Variants in CAPN7 observed in about 807,000 individuals in gnomAD.
CAPN7 encodes the protein calpain-7.
CAPN7 carries 72 observed loss-of-function variants against 115.2 expected under a neutral mutation model. That is an observed-to-expected ratio of 0.63 (90% CI 0.52 to 0.76). CAPN7 has a LOEUF of 0.76. CAPN7 is among the 30% of genes least tolerant of loss of function. The pLI, the probability that CAPN7 is intolerant of heterozygous loss-of-function variation, is 0.00. For synonymous variants in CAPN7, 344 were observed against 322.3 expected, an observed-to-expected ratio of 1.07 and a Z score of -0.72; for missense variants, 905 against 971.5, an observed-to-expected ratio of 0.93 and a Z score of 0.91.
Position 15,206,288 on chromosome 3 carries a change from C to G in CAPN7, c.-208C>G, listed in dbSNP as rs2044614376. The G allele has an allele frequency of 4.4e-6, 2 of 450,160 alleles. No homozygotes were observed. Among genetic ancestry groups the G allele is most frequent in the East Asian group, 3.9e-5 (1 of 25,566 alleles). The allele number at this position is 450,160 out of a possible 1,614,324, so 27.9% of individuals were successfully genotyped here. On this transcript the variant is annotated 5_prime_UTR_variant, in exon 1 of 21. Transcript: ENST00000253693. ...CGAAGTGGGGCGGCCGGGTGGGCTA[C>G]AAGCCGGGTCTGGGCTGAGGGGCGC...
Position 15,217,546 on chromosome 3 carries a change from A to C in CAPN7, c.333A>C (p.Glu111Asp), listed in dbSNP as rs761072937. The part of the protein sequence containing the change: ...DEKENVEDAI[E>D]LYTEAVDLCL... Reference sequence around the variant, plus strand: ...AAGAGAATGTTGAAGATGCTATAGAATTGTACACAGAAGCTGTGGATCTCT... The same window carrying C: ...AAGAGAATGTTGAAGATGCTATAGACTTGTACACAGAAGCTGTGGATCTCT... The change falls in exon 3 of 21, where the codon GAA (glutamate) becomes GAC (aspartate). Residue 111 changes from glutamate (E) to aspartate (D), a missense_variant. Transcript: ENST00000253693. 7 of 1,613,726 alleles carry C rather than the reference A, an allele frequency of 4.3e-6. No homozygotes were observed. In the South Asian group the frequency reaches 7.7e-5, roughly 18 times the overall value.
chr3:15,220,845 C>T lies in CAPN7; in HGVS notation c.502C>T (p.Pro168Ser). Residue 168 changes from proline (P) to serine (S), a missense_variant, in exon 5 of 21, where the codon CCA becomes TCA. This residue lies in a region of CAPN7 where 271 missense variants were observed against 239.6 expected (regional missense o/e 1.13). Coordinates refer to ENST00000253693, the MANE Select transcript of CAPN7 (RefSeq NM_014296.3). ...CAAAATCAGTTCAACAAGTGTTAAG[C>T]CAAAGCCACCTCCAGTGAGAGCACA... ...VGKISSTSVK[P>S]KPPPVRAHFP... The T allele has an allele frequency of 6.2e-7, 1 of 1,614,156 alleles. No homozygotes were observed. Among genetic ancestry groups the T allele is most frequent in the East Asian group, 2.2e-5 (1 of 44,888 alleles).
intron 6 of CAPN7, among the ~76,000 whole-genome samples, chr3:15,227,594 TTAAATA>T (rs1694398539): frequency 6.6e-6 from 1 of 152,254 alleles, no homozygotes; most frequent in South Asian, 2.1e-4. Context: ...AATTATATTC[TTAAATA>T]TAAATGAATT....
chr3:15,211,972 A>T (rs1357993445), intron 1 of CAPN7, 132 bp from the exon 2 acceptor site: 1 of 477,818 alleles, frequency 2.1e-6, no homozygotes, highest in East Asian at 3.4e-5. Context: ...TATGAAAAAA[A>T]TTACTATTAA....
At chr3:15,207,956 T>C (rs1262693277) in intron 1 of CAPN7, among the ~76,000 whole-genome samples, 1 of 152,242 alleles carries the variant, frequency 6.6e-6, no homozygotes, top group Non-Finnish European at 1.5e-5. Flanking sequence ...TTATGTACTC[T>C]ACATTATTGT....
intron 6 of CAPN7, among the ~76,000 whole-genome samples, chr3:15,224,945 A>G (rs930690994): frequency 3.3e-5 from 5 of 152,166 alleles, no homozygotes; most frequent in Middle Eastern, 3.2e-3. Context: ...TATATCTGAG[A>G]AACTTTATAG....
At chr3:15,235,171 A>T (rs776023091) in intron 12 of CAPN7, 26 bp downstream of exon 12, 1 of 1,569,404 alleles carries the variant, frequency 6.4e-7, no homozygotes. Flanking sequence ...TTTTTCTTTT[A>T]TTTTTCTTGT....
chr3:15,241,617 TACAG>T, intron 15 of CAPN7, 29 bp downstream of exon 15: 1 of 1,593,716 alleles, frequency 6.3e-7, no homozygotes, highest in African/African-American at 1.3e-5. Flanking sequence ...TGATATCCCA[TACAG>T]AAATTTTTTT....
rs1242366747 is a variant in CAPN7, at chr3:15,240,850, A to G, written c.1649A>G (p.His550Arg). ...CTTTTTAAAGAATCAACATGTATTCACAGGTAACTTTTTGCACATTGCAGA... is the reference window on the plus strand; with the variant it reads ...CTTTTTAAAGAATCAACATGTATTCGCAGGTAACTTTTTGCACATTGCAGA... ...PGLFKESTCI[H>R]STWDAKQGPV... Residue 550 changes from histidine to arginine, a missense_variant, in exon 14 of 21, where the codon CAC (histidine) becomes CGC (arginine). This residue lies in a region of CAPN7 where 620 missense variants were observed against 703.4 expected (regional missense o/e 0.88). Transcript: ENST00000253693. 6.3e-7 allele frequency: 1 copy of G among 1,591,164 alleles called. No homozygotes were observed. Among genetic ancestry groups the G allele is most frequent in the Non-Finnish European group, 8.6e-7 (1 of 1,160,034 alleles).
At chr3:15,207,214 CAG>C (rs1278257728) in intron 1 of CAPN7, among the ~76,000 whole-genome samples, 2 of 152,084 alleles carry the variant, frequency 1.3e-5, no homozygotes, top group African/African-American at 4.8e-5. Context: ...TTGCTGTACT[CAG>C]TGGTGTGTGC....
chr3:15,227,783 C>T, intron 6 of CAPN7, 56 bp from the exon 7 acceptor site: 1 of 1,139,980 alleles, frequency 8.8e-7, no homozygotes, highest in Non-Finnish European at 1.2e-6. Flanking sequence ...TTAATTTTGG[C>T]TTTGAGTCAT....
intron 6 of CAPN7, among the ~76,000 whole-genome samples, chr3:15,226,147 C>T (rs1475911181): frequency 1.3e-5 from 2 of 152,102 alleles, no homozygotes; most frequent in Non-Finnish European, 2.9e-5. Flanking sequence ...GCGATCTCAG[C>T]TCACTGCAAC....
In CAPN7 at chr3:15,228,980, G is replaced by A. The variant is rs1694504701; in HGVS notation, c.859G>A (p.Val287Ile). 2 of 1,608,792 alleles carry A rather than the reference G, an allele frequency of 1.2e-6. No homozygotes were observed. Among genetic ancestry groups the A allele is most frequent in the Non-Finnish European group, 8.5e-7 (1 of 1,176,072 alleles). The change falls in exon 8 of 21, where the codon GTA becomes ATA. Residue 287 changes from valine to isoleucine, a missense_variant. This residue lies in a region of CAPN7 where 620 missense variants were observed against 703.4 expected (regional missense o/e 0.88). Transcript: ENST00000253693. ...TAATTATTCTTATTAACAGACAATA[G>A]TATCGGATTGCTCCTTTGTGGCATC... The part of the protein sequence containing the change: ...VSSFSIKQTI[V>I]SDCSFVASLA...
At chr3:15,224,771 A>T (rs1027197033) in intron 6 of CAPN7, among the ~76,000 whole-genome samples, 1 of 152,184 alleles carries the variant, frequency 6.6e-6, no homozygotes, top group Admixed American at 6.5e-5. Context: ...GATGCTTACT[A>T]TATAGAATAT....
chr3:15,247,559 G>T (rs1559413247), intron 19 of CAPN7, 102 bp downstream of exon 19: 1 of 853,186 alleles, frequency 1.2e-6, no homozygotes. Flanking sequence ...ATGGACATTG[G>T]ATTTATAACA....
intron 2 of CAPN7, among the ~76,000 whole-genome samples, chr3:15,212,759 T>C (rs2045028284): frequency 6.6e-6 from 1 of 152,230 alleles, no homozygotes; most frequent in African/African-American, 2.4e-5. Context: ...ATATATAGTC[T>C]TAATGGTCAC....
chr3:15,230,618 G>A (rs1326326831), intron 9 of CAPN7, 83 bp downstream of exon 9: 4 of 824,314 alleles, frequency 4.9e-6, no homozygotes, highest in African/African-American at 1.7e-5. Context: ...ATTAAGAAAT[G>A]TCATCTGTTT....
At chr3:15,215,559 A>G (rs756081693) in intron 2 of CAPN7, among the ~76,000 whole-genome samples, 3 of 152,278 alleles carry the variant, frequency 2.0e-5, no homozygotes, top group Non-Finnish European at 2.9e-5. Flanking sequence ...CCTATTGTGG[A>G]TATTTCATAC....
intron 19 of CAPN7, 105 bp downstream of exon 19, chr3:15,247,562 T>A (rs1456646411): frequency 4.5e-5 from 37 of 828,672 alleles, no homozygotes; most frequent in Non-Finnish European, 5.4e-5. Flanking sequence ...GACATTGGAT[T>A]TATAACAATG....
Sources: allele counts gnomAD v4.1 joint callset (sites outside exome capture counted in the v4.1 genomes callset), GRCh38; gene constraint gnomAD v4.1.1; regional missense constraint gnomAD v4.1.1; transcripts MANE v1.5; gene names NCBI Gene and HGNC (gene_info 2026-07-23, HGNC 2026-07-21).